CELF1: variants seen among roughly 807,000 people sequenced by gnomAD.
The protein encoded by CELF1 is CUGBP Elav-like family member 1.
In CELF1, 10 loss-of-function variants were observed where a neutral mutation model predicts 61.8. The observed-to-expected ratio is 0.16, with a 90% CI of 0.10 to 0.27. The LOEUF is 0.27. Among genes scored for constraint, CELF1 ranks in the 10% least tolerant of loss-of-function variants. The probability of loss-of-function intolerance (pLI) is 1.00; values close to 1 mark genes in which losing one functional copy is unlikely to be tolerated. For synonymous variants in CELF1, 236 were observed against 225.1 expected, an observed-to-expected ratio of 1.05 and a Z score of -0.43; for missense variants, 380 against 639.1, an observed-to-expected ratio of 0.59 and a Z score of 4.37.
intron 1 of CELF1, among the ~76,000 whole-genome samples, chr11:47,541,772 A>C (rs1273018746): frequency 0.016 from 227 of 14,262 alleles, 36 homozygotes; most frequent in African/African-American, 0.032. Flanking sequence ...GAAAGAACGA[A>C]AGAAAGAACG....
At chr11:47,529,937 A>G (rs2096408096) in intron 1 of CELF1, among the ~76,000 whole-genome samples, 2 of 152,228 alleles carry the variant, frequency 1.3e-5, no homozygotes, top group East Asian at 3.8e-4. Context: ...CAGCAGAAGT[A>G]CTATATGAGA....
chr11:47,558,777 TAATA>T (rs1199863420), intron 2 of CELF1, among the ~76,000 whole-genome samples: 3 of 117,262 alleles, frequency 2.6e-5, no homozygotes, highest in Non-Finnish European at 4.9e-5. Flanking sequence ...ATTGTATATA[TAATA>T]TATATATAAT....
At chr11:47,481,426 G>A (rs1437729305) in intron 9 of CELF1, among the ~76,000 whole-genome samples, 4 of 151,932 alleles carry the variant, frequency 2.6e-5, no homozygotes, top group African/African-American at 9.7e-5. Flanking sequence ...CACAGCGCCC[G>A]GCCTAAACTG....
chr11:47,520,751 T>C (rs906551295), intron 1 of CELF1, among the ~76,000 whole-genome samples: 5 of 152,076 alleles, frequency 3.3e-5, no homozygotes, highest in Admixed American at 3.3e-4. Context: ...GCAGAGGTTG[T>C]GGTGAGCCAA....
In CELF1 at chr11:47,487,398, A is replaced by G. The variant is rs771576846; in HGVS notation, c.260-157T>C. Among the ~76,000 whole-genome samples, 15 of 152,236 alleles carry G rather than the reference A, an allele frequency of 9.9e-5. 1 individual carries two copies. In the South Asian group the frequency reaches 2.3e-3, roughly 23 times the overall value. Reference sequence around the variant, plus strand: ...GTGGAAAAGAACGAATAGAATATCTAGCAGAGGAATAAGAGATTATTTTCT... The same window carrying G: ...GTGGAAAAGAACGAATAGAATATCTGGCAGAGGAATAAGAGATTATTTTCT... On this transcript the variant is annotated intron_variant, in intron 4 of 14. Transcript: ENST00000687097.
chr11:47,559,220 T>C (rs1445207995), intron 2 of CELF1, among the ~76,000 whole-genome samples: 8 of 150,878 alleles, frequency 5.3e-5, no homozygotes, highest in South Asian at 2.1e-4. Context: ...CTCAGCCTCC[T>C]GAGTAGCTGG....
chr11:47,483,360 A>G lies in CELF1; in HGVS notation c.606+93T>C, dbSNP rs1159839317. 5.3e-6 allele frequency: 5 copies of G among 943,626 alleles called. No individual in the cohort carries two copies. The Admixed American group carries it at 9.0e-5, about 17-fold the overall frequency. The allele number at this position is 943,626 out of a possible 1,614,324, so 58.5% of individuals were successfully genotyped here. On this transcript the variant is annotated intron_variant, in intron 8 of 14. Transcript: ENST00000687097. ...TGTTGGCTGTTTAACCTTCTGGGCAATCAGATGCTGCACATGCTGCTGGAC... is the reference window on the plus strand; with the variant it reads ...TGTTGGCTGTTTAACCTTCTGGGCAGTCAGATGCTGCACATGCTGCTGGAC...
intron 9 of CELF1, among the ~76,000 whole-genome samples, chr11:47,479,429 A>AATATCAAAT (rs1565759037): frequency 6.6e-6 from 1 of 152,192 alleles, no homozygotes; most frequent in Non-Finnish European, 1.5e-5. Flanking sequence ...ATCAAATCTA[A>AATATCAAAT]ACATTTCATA....
intron 1 of CELF1, among the ~76,000 whole-genome samples, chr11:47,528,415 A>T (rs1031198352): frequency 2.6e-5 from 4 of 152,154 alleles, no homozygotes; most frequent in African/African-American, 9.7e-5. Flanking sequence ...TTAAGGACTC[A>T]AGACAACAAT....
intron 14 of CELF1, 92 bp downstream of exon 14, chr11:47,472,996 A>G: frequency 7.0e-7 from 1 of 1,425,916 alleles, no homozygotes; most frequent in Non-Finnish European, 9.4e-7. Flanking sequence ...ACAACACCAC[A>G]AACTCATATT....
Position 47,505,643 on chromosome 11 carries a change from CAA to C in CELF1, c.-153-4713_-153-4712del, listed in dbSNP as rs112777088. ...GGCTGACAGAGTGAGACTCTGTCTC[CAA>C]AAAAAAAAAAAAATCAGTATGTTAG... On this transcript the variant is annotated intron_variant, in intron 1 of 14. Coordinates refer to ENST00000687097, the MANE Select transcript of CELF1 (RefSeq NM_001376376.1). 9.2e-4 allele frequency among the ~76,000 whole-genome samples: 114 copies of C among 123,496 alleles called. 1 individual carries two copies. Among genetic ancestry groups the C allele is most frequent in the Middle Eastern group, 4.9e-3 (1 of 206 alleles). 81.0% of individuals were successfully genotyped at this position (123,496 alleles called of 152,430 possible). A position where few individuals can be genotyped will look rare whatever the true frequency, so the allele number is the denominator to read the frequency against.
intron 3 of CELF1, among the ~76,000 whole-genome samples, chr11:47,493,772 C>A (rs368567906): frequency 6.6e-6 from 1 of 152,028 alleles, no homozygotes; most frequent in Non-Finnish European, 1.5e-5. Flanking sequence ...AGAAGCACTA[C>A]CAAGGTATAG....
At position 47,509,307 on chromosome 11, in the gene CELF1, GTCTGTT is replaced by G. The variant is rs545490108; in HGVS notation, c.-153-8381_-153-8376del. ...TGTATTTCCTTGGAACTCCACGGATGTCTGTTTCTATTAACATTATCTCTACCTTTC... is the reference window on the plus strand; with the variant it reads ...TGTATTTCCTTGGAACTCCACGGATGTCTATTAACATTATCTCTACCTTTC... On this transcript the variant is annotated intron_variant, in intron 1 of 14. Coordinates refer to ENST00000687097, the MANE Select transcript of CELF1 (RefSeq NM_001376376.1). 1.2e-4 allele frequency among the ~76,000 whole-genome samples: 18 copies of G among 152,282 alleles called. 1 individual carries two copies. The East Asian group carries it at 1.7e-3, about 15-fold the overall frequency.
At chr11:47,537,366 G>GCTACT (rs1296114148) in intron 1 of CELF1, among the ~76,000 whole-genome samples, 1 of 151,210 alleles carries the variant, frequency 6.6e-6, no homozygotes, top group Non-Finnish European at 1.5e-5. Context: ...TCCTGCCTCA[G>GCTACT]CCTCCTGAGT....
intron 1 of CELF1, among the ~76,000 whole-genome samples, chr11:47,552,499 G>A (rs768013662): frequency 1.3e-5 from 2 of 152,250 alleles, no homozygotes; most frequent in Non-Finnish European, 2.9e-5. Flanking sequence ...GGAACGAGGG[G>A]CTCTCGAGGC....
chr11:47,489,938 T>TTTTTTTG (rs1555170278), intron 3 of CELF1, among the ~76,000 whole-genome samples: 3 of 108,376 alleles, frequency 2.8e-5, no homozygotes, highest in African/African-American at 7.2e-5. Flanking sequence ...CCATCTTGTT[T>TTTTTTTG]TTTTTTTTTT....
intron 6 of CELF1, 40 bp downstream of exon 6, chr11:47,486,710 G>A (rs779591542): frequency 5.8e-6 from 9 of 1,559,970 alleles, no homozygotes; most frequent in Non-Finnish European, 7.1e-6. Flanking sequence ...GCCTGGCCTA[G>A]GCAGAAATCT....
At chr11:47,476,730 T>G in intron 12 of CELF1, 116 bp downstream of exon 12, 2 of 798,924 alleles carry the variant, frequency 2.5e-6, no homozygotes, top group Non-Finnish European at 4.2e-6. Flanking sequence ...CTGGCCCTCA[T>G]GATTATTTTT....
At chr11:47,508,288 T>A (rs552502500) in intron 1 of CELF1, among the ~76,000 whole-genome samples, 13 of 152,258 alleles carry the variant, frequency 8.5e-5, no homozygotes, top group Admixed American at 2.0e-4. Context: ...CACATTTCCC[T>A]CCAAATTTTA....
Sources: gnomAD v4.1 joint callset for allele counts (sites outside exome capture counted in the v4.1 genomes callset) on GRCh38, gnomAD v4.1.1 for gene constraint, MANE v1.5 for transcripts, NCBI Gene and HGNC (gene_info 2026-07-23, HGNC 2026-07-21) for gene names.